Variants in CTNNA2 observed in about 807,000 individuals in gnomAD.
The protein encoded by CTNNA2 is catenin alpha 2.
In CTNNA2, 42 loss-of-function variants were observed where a neutral mutation model predicts 101.0. The ratio of observed to expected loss-of-function variants is 0.42; its 90% CI spans 0.32 to 0.54. The LOEUF (loss-of-function observed/expected upper bound fraction) is 0.54, where lower values mean the gene tolerates loss of function less well. CTNNA2 is among the 20% of genes least tolerant of loss of function. The pLI, the probability that CTNNA2 is intolerant of heterozygous loss-of-function variation, is 0.14. For missense variants in CTNNA2, 871 were observed against 1,223.1 expected, an observed-to-expected ratio of 0.71 and a Z score of 4.29; for synonymous variants, 450 against 456.4, an observed-to-expected ratio of 0.99 and a Z score of 0.18.
chr2:79,213,813 T>C (rs545705189), intron 2 of CTNNA2, among the ~76,000 whole-genome samples: 2 of 152,222 alleles, frequency 1.3e-5, no homozygotes, highest in East Asian at 1.9e-4. Context: ...AGAAAGTATA[T>C]GCGTCAGGTA....
Position 79,471,864 on chromosome 2 carries a change from A to G in CTNNA2, c.-134-33190A>G, listed in dbSNP as rs923389522. Among the ~76,000 whole-genome samples the G allele has an allele frequency of 3.9e-5, 6 of 152,020 alleles. No homozygotes were observed. In the South Asian group the frequency reaches 6.2e-4, roughly 16 times the overall value. Reference sequence around the variant, plus strand: ...AAAAACAAAAAAAAAAGATTTTAACATATCAGTTGTGGGGAGGCACATTTA... The same window carrying G: ...AAAAACAAAAAAAAAAGATTTTAACGTATCAGTTGTGGGGAGGCACATTTA... On this transcript the variant is annotated intron_variant, in intron 4 of 21. Transcript: ENST00000466387.
intron 18 of CTNNA2, among the ~76,000 whole-genome samples, chr2:80,632,315 G>A (rs1343135656): frequency 2.0e-5 from 3 of 151,506 alleles, no homozygotes; most frequent in East Asian, 3.9e-4. Context: ...GGACAATGCA[G>A]TAAATAAGTA....
chr2:79,877,028 T>C (rs1166112322), intron 6 of CTNNA2, among the ~76,000 whole-genome samples: 2 of 151,746 alleles, frequency 1.3e-5, no homozygotes, highest in East Asian at 3.9e-4. Context: ...TAAACTTCTA[T>C]ATTAACTAAT....
At chr2:79,665,619 A>C (rs1303164492) in intron 2 of CTNNA2, among the ~76,000 whole-genome samples, 1 of 152,216 alleles carries the variant, frequency 6.6e-6, no homozygotes, top group Non-Finnish European at 1.5e-5. Flanking sequence ...ATAGAAAATT[A>C]TACTATCTTT....
chr2:80,205,543 C>T (rs1707480567), intron 7 of CTNNA2, among the ~76,000 whole-genome samples: 1 of 152,132 alleles, frequency 6.6e-6, no homozygotes, highest in Non-Finnish European at 1.5e-5. Context: ...TCCCTGAAAA[C>T]TGAATTAAAT....
At chr2:79,918,009 T>A (rs1574308944) in intron 7 of CTNNA2, among the ~76,000 whole-genome samples, 2 of 152,232 alleles carry the variant, frequency 1.3e-5, no homozygotes, top group Non-Finnish European at 2.9e-5. Context: ...GTGCCCAAGG[T>A]ATGGGATGAT....
chr2:80,336,423 C>T (rs571270440), intron 7 of CTNNA2, among the ~76,000 whole-genome samples: 1 of 152,134 alleles, frequency 6.6e-6, no homozygotes, highest in Non-Finnish European at 1.5e-5. Context: ...TTTACAATTA[C>T]AATTTTGCTA....
intron 4 of CTNNA2, among the ~76,000 whole-genome samples, chr2:79,476,410 C>T (rs924578919): frequency 3.3e-5 from 5 of 152,308 alleles, no homozygotes; most frequent in South Asian, 2.1e-4. Context: ...GCTATTTCAT[C>T]GGGGCACTTC....
chr2:80,212,048 G>T (rs1039167424), intron 7 of CTNNA2, among the ~76,000 whole-genome samples: 3 of 152,180 alleles, frequency 2.0e-5, no homozygotes, highest in Non-Finnish European at 4.4e-5. Flanking sequence ...CAATGCTAGT[G>T]ATTTTTGCAC....
At chr2:79,678,442 G>A (rs1683334897) in intron 2 of CTNNA2, among the ~76,000 whole-genome samples, 1 of 151,818 alleles carries the variant, frequency 6.6e-6, no homozygotes, top group Admixed American at 6.6e-5. Flanking sequence ...GGCTGAGGTG[G>A]GAGGATCACT....
intron 6 of CTNNA2, among the ~76,000 whole-genome samples, chr2:79,876,070 G>A (rs1178804638): frequency 6.6e-6 from 1 of 151,936 alleles, no homozygotes; most frequent in Non-Finnish European, 1.5e-5. Flanking sequence ...CTTTATTGAG[G>A]GACAAGTTTT....
chr2:79,277,346 C>T (rs1217722186), intron 2 of CTNNA2, among the ~76,000 whole-genome samples: 1 of 152,030 alleles, frequency 6.6e-6, no homozygotes, highest in Non-Finnish European at 1.5e-5. Flanking sequence ...GAATCTCTGC[C>T]TCATTGTGCT....
At chr2:79,773,751 G>A (rs2105159221) in intron 3 of CTNNA2, among the ~76,000 whole-genome samples, 1 of 152,174 alleles carries the variant, frequency 6.6e-6, no homozygotes, top group South Asian at 2.1e-4. Flanking sequence ...CAAACATAGT[G>A]AGTCTTTCTG....
intron 12 of CTNNA2, among the ~76,000 whole-genome samples, chr2:80,570,677 T>TC (rs1553393181): frequency 6.6e-6 from 1 of 152,106 alleles, no homozygotes; most frequent in Non-Finnish European, 1.5e-5. Flanking sequence ...GCCTCTATTT[T>TC]AAAAATAAAG....
Position 79,415,695 on chromosome 2 carries a change from C to T in CTNNA2, c.-135+41682C>T, listed in dbSNP as rs1048322066. On this transcript the variant is annotated intron_variant, in intron 4 of 21. Coordinates refer to the CTNNA2 transcript ENST00000466387. Reference sequence around the variant, plus strand: ...CCTTCTTAGAAGACTGTCCTGGCATCCTGTTATATTTGAACATATGCCTGG... The same window carrying T: ...CCTTCTTAGAAGACTGTCCTGGCATTCTGTTATATTTGAACATATGCCTGG... 5.9e-5 allele frequency among the ~76,000 whole-genome samples: 9 copies of T among 152,032 alleles called. 1 individual carries two copies. In the South Asian group the frequency reaches 1.9e-3, roughly 31 times the overall value.
At chr2:79,682,170 A>T (rs1007742094) in intron 2 of CTNNA2, among the ~76,000 whole-genome samples, 3 of 152,098 alleles carry the variant, frequency 2.0e-5, no homozygotes, top group African/African-American at 7.2e-5. Flanking sequence ...GCACTTTGGG[A>T]GGCCGAGGCA....
chr2:79,913,627 T>A (rs1489575488), intron 7 of CTNNA2, among the ~76,000 whole-genome samples: 2 of 152,188 alleles, frequency 1.3e-5, no homozygotes, highest in Admixed American at 1.3e-4. Flanking sequence ...CATGAGAGGA[T>A]GGTCTCTTGG....
At chr2:79,629,706 G>A (rs1052204486) in intron 1 of CTNNA2, among the ~76,000 whole-genome samples, 4 of 152,258 alleles carry the variant, frequency 2.6e-5, no homozygotes, top group African/African-American at 7.2e-5. Context: ...TCAGTGTCTC[G>A]ATAGATGGGA....
chr2:80,300,278 T>TGGGG (rs770942821), intron 7 of CTNNA2, among the ~76,000 whole-genome samples: 1 of 71,028 alleles, frequency 1.4e-5, no homozygotes, highest in Non-Finnish European at 2.8e-5. Context: ...GCTGGGGTGT[T>TGGGG]GGGGTGTGTG....
Sources: gnomAD v4.1 joint callset for allele counts (sites outside exome capture counted in the v4.1 genomes callset) on GRCh38, gnomAD v4.1.1 for gene constraint, MANE v1.5 for transcripts, NCBI Gene and HGNC (gene_info 2026-07-23, HGNC 2026-07-21) for gene names.